Variants in ATAD3A observed in about 807,000 individuals in gnomAD.
The protein encoded by ATAD3A is ATPase family AAA domain-containing protein 3A.
Under a neutral mutation model 73.8 loss-of-function variants are expected in ATAD3A, and 46 were observed. That is an observed-to-expected ratio of 0.62 (90% CI 0.49 to 0.80). The LOEUF is 0.80. ATAD3A is among the 30% of genes least tolerant of loss of function. The pLI is 0.00. For missense variants in ATAD3A, 705 were observed against 838.0 expected (o/e 0.84, Z 1.96); for synonymous variants, 319 against 350.0 (o/e 0.91, Z 0.99).
chr1:1,527,942 C>G (rs935131798), intron 14 of ATAD3A, 80 bp downstream of exon 14: 1 of 1,060,934 alleles, frequency 9.4e-7, no homozygotes. Flanking sequence ...CCATCACTTA[C>G]AAACCTTTAA....
At chr1:1,514,778 G>A (rs1641302145) in intron 1 of ATAD3A, among the ~76,000 whole-genome samples, 1 of 152,212 alleles carries the variant, frequency 6.6e-6, no homozygotes, top group Non-Finnish European at 1.5e-5. Context: ...AAGTGAGACG[G>A]GCTGCGGGAG....
In ATAD3A at chr1:1,520,035, C is replaced by T. The variant is rs1641526558; in HGVS notation, c.515-106C>T. On this transcript the variant is annotated intron_variant, in intron 5 of 15. Transcript: ENST00000378756. The surrounding 1 kb of genome is among the most constrained non-coding windows in gnomAD (Gnocchi z 4.0). ...GCATGGGCCTGTCTGTGGCGTTGGT[C>T]TGTCCGTGGCGTGGGCCGGTCCGTG... is the stretch of plus-strand genomic sequence containing the variant. 4.7e-6 allele frequency: 7 copies of T among 1,495,060 alleles called. No individual in the cohort carries two copies. The highest frequency in any genetic ancestry group is 6.3e-6 in the Non-Finnish European group (7 of 1,116,442). The allele number at this position is 1,495,060 out of a possible 1,614,324, so 92.6% of individuals were successfully genotyped here. A position where few individuals can be genotyped will look rare whatever the true frequency, so the allele number is the denominator to read the frequency against.
intron 13 of ATAD3A, chr1:1,527,388 G>C (rs190855829): frequency 9.1e-7 from 1 of 1,104,778 alleles, no homozygotes; most frequent in East Asian, 4.6e-5. Context: ...ATGGACTCCG[G>C]GTCCCGAATC....
intron 1 of ATAD3A, 127 bp from the exon 2 acceptor site, chr1:1,515,885 G>A (rs1641338068): frequency 8.4e-6 from 8 of 948,312 alleles, no homozygotes; most frequent in Non-Finnish European, 1.3e-5. Flanking sequence ...GGATGGGGAG[G>A]CAGGGCTGGG....
At chr1:1,521,618 A>T (rs1317396190) in intron 7 of ATAD3A, among the ~76,000 whole-genome samples, 1 of 152,218 alleles carries the variant, frequency 6.6e-6, no homozygotes, top group Non-Finnish European at 1.5e-5. Context: ...TGTGACGGTG[A>T]ATGTTGCAGG....
Position 1,520,745 on chromosome 1 carries a change from C to G in ATAD3A, c.750+128C>G. 1 of 1,433,190 alleles carries G rather than the reference C, an allele frequency of 7.0e-7. No individual in the cohort carries two copies. The highest frequency in any genetic ancestry group is 9.5e-7 in the Non-Finnish European group (1 of 1,047,466). The allele number at this position is 1,433,190 out of a possible 1,614,324, so 88.8% of individuals were successfully genotyped here. ...TAGCTCTCCCAGCAGGGAGGAAGCC[C>G]ACGTTGTACCTGCTGGCCTCGGCTT... On this transcript the variant is annotated intron_variant, in intron 7 of 15. Coordinates refer to ENST00000378756, the MANE Select transcript of ATAD3A (RefSeq NM_001170535.3). The surrounding 1 kb of genome is among the most constrained non-coding windows in gnomAD (Gnocchi z 4.0).
At chr1:1,517,105 C>T in intron 2 of ATAD3A, 1 of 1,536,156 alleles carries the variant, frequency 6.5e-7, no homozygotes, top group Non-Finnish European at 8.8e-7. Context: ...CCTTCGCGGG[C>T]TTCTGCTGGT....
Position 1,522,885 on chromosome 1 carries a change from C to T in ATAD3A, c.892C>T (p.Arg298Trp), listed in dbSNP as rs548644017. The T allele has an allele frequency of 1.2e-5, 19 of 1,608,426 alleles. No individual in the cohort carries two copies. The highest frequency in any genetic ancestry group is 1.0e-4 in the Admixed American group (6 of 59,670). The change falls in exon 8 of 16, where the codon CGG becomes TGG. Residue 298 changes from arginine to tryptophan, a missense_variant. This residue lies in a region of ATAD3A where 315 missense variants were observed against 334.1 expected (regional missense o/e 0.94). Transcript: ENST00000378756. ...TSRITVLEALRHPIQVSRRLL... is the reference protein window; with the variant it reads ...TSRITVLEALWHPIQVSRRLL... The stretch of plus-strand genomic sequence containing the variant: ...CCGCATCACGGTGCTTGAGGCGCTG[C>T]GGCACCCCATCCAGGTAGCAGCGCA...
At chr1:1,531,942 T>G (rs79463926) in intron 15 of ATAD3A, among the ~76,000 whole-genome samples, 2,732 of 151,816 alleles carry the variant, frequency 0.018, 30 homozygotes, top group South Asian at 0.028. Context: ...TGAGCCACCA[T>G]GCACGGCATC....
At chr1:1,530,758 G>T (rs1459884737) in intron 15 of ATAD3A, among the ~76,000 whole-genome samples, 1 of 105,568 alleles carries the variant, frequency 9.5e-6, no homozygotes, top group Non-Finnish European at 1.6e-5. Flanking sequence ...GAACCCGGGA[G>T]GCGGAGCTTG....
In ATAD3A at chr1:1,520,568, G is replaced by A. The variant is rs747836576; in HGVS notation, c.701G>A (p.Gly234Glu). 1.2e-6 allele frequency: 2 copies of A among 1,613,942 alleles called. No individual in the cohort carries two copies. The highest frequency in any genetic ancestry group is 2.2e-5 in the South Asian group (2 of 91,072). ...CGCAGGACGGCTGGCACCTTGTTTG[G>A]GGAAGGATTCCGTGCCTTTGTGACA... The part of the protein sequence containing the change: ...ESIRTAGTLF[G>E]EGFRAFVTDW... The change falls in exon 7 of 16, where the codon GGG becomes GAG. Residue 234 changes from glycine to glutamate, a missense_variant. Gly to Glu is a moderately conservative substitution (Grantham distance 98, BLOSUM62 -2). Around this residue, in one of 5 missense-constraint regions of ATAD3A, gnomAD observed 315 missense variants for 334.1 expected, o/e 0.94. Transcript: ENST00000378756. The surrounding 1 kb of genome is among the most constrained non-coding windows in gnomAD (Gnocchi z 4.0).
rs748484836 is a variant in ATAD3A, at chr1:1,522,826, G to A, written c.833G>A (p.Arg278Gln). ...TLVAGRFIEA[R>Q]LGKPSLVRET... The stretch of plus-strand genomic sequence containing the variant: ...GTCGCCGGCCGCTTCATCGAGGCTC[G>A]GCTGGGGAAGCCGTCCCTAGTGAGG... The change falls in exon 8 of 16, where the codon CGG (arginine) becomes CAG (glutamine). Residue 278 changes from arginine (R) to glutamine (Q), a missense_variant. Transcript: ENST00000378756. 13 of 1,610,542 alleles carry A rather than the reference G, an allele frequency of 8.1e-6. No individual in the cohort carries two copies. Among genetic ancestry groups the A allele is most frequent in the East Asian group, 6.7e-5 (3 of 44,874 alleles).
chr1:1,525,320 T>C, intron 12 of ATAD3A, 29 bp downstream of exon 12: 1 of 1,609,908 alleles, frequency 6.2e-7, no homozygotes, highest in African/African-American at 1.3e-5. Flanking sequence ...CTGGCCACAA[T>C]GGGGTGGTGG....
chr1:1,514,430 G>A (rs1431079869), intron 1 of ATAD3A, among the ~76,000 whole-genome samples: 2 of 152,328 alleles, frequency 1.3e-5, no homozygotes, highest in African/African-American at 2.4e-5. Flanking sequence ...TTGGCTTCCC[G>A]AGCTTAGCAG....
intron 1 of ATAD3A, among the ~76,000 whole-genome samples, chr1:1,515,384 T>C (rs1207522784): frequency 6.6e-6 from 1 of 152,190 alleles, no homozygotes; most frequent in East Asian, 1.9e-4. Context: ...GCCAAAAGAT[T>C]TTTATGGTAA....
chr1:1,512,364 C>T lies in ATAD3A; in HGVS notation c.96C>T (p.Gly32=), dbSNP rs1463745303. The T allele has an allele frequency of 3.2e-6, 4 of 1,241,058 alleles. No homozygotes were observed. Among genetic ancestry groups the T allele is most frequent in the South Asian group, 4.1e-5 (1 of 24,616 alleles). The allele number at this position is 1,241,058 out of a possible 1,614,324, so 76.9% of individuals were successfully genotyped here. ...CCGCGCAGCCCGGGGCCGAGGGCGG[C>T]GGGGACCGCGGGTTGGGAGACCGGC... ...LPPAQPGAEG[G]GDRGLGDRPA... The change falls in exon 1 of 16, where the codon GGC becomes GGT. Residue 32 remains glycine, a synonymous_variant. Transcript: ENST00000378756.
chr1:1,527,527 C>G (rs1209420934), intron 13 of ATAD3A, among the ~76,000 whole-genome samples, 168 bp from the exon 14 acceptor site: 1 of 152,294 alleles, frequency 6.6e-6, no homozygotes, highest in South Asian at 2.1e-4. Context: ...GAAGCCAGGC[C>G]GGGGGACAGC....
chr1:1,520,259 C>T lies in ATAD3A; in HGVS notation c.633C>T (p.Ile211=). The T allele has an allele frequency of 6.2e-7, 1 of 1,612,996 alleles. No homozygotes were observed. The highest frequency in any genetic ancestry group is 1.1e-5 in the South Asian group (1 of 91,058). The change falls in exon 6 of 16, where the codon ATC becomes ATT. Residue 211 remains isoleucine, a synonymous_variant. Transcript: ENST00000378756. This position sits in a 1 kb window ranked among gnomAD's most constrained non-coding sequence, Gnocchi z 4.0. The part of the protein sequence containing the change: ...RENADIIREQ[I]RLKAAEHRQT... ...ATGCAGACATCATCCGCGAGCAGAT[C>T]CGCCTGAAGGCGGCCGAGCACCGTC...
At chr1:1,529,709 G>T (rs144698654) in intron 15 of ATAD3A, among the ~76,000 whole-genome samples, 1 of 152,236 alleles carries the variant, frequency 6.6e-6, no homozygotes, top group South Asian at 2.1e-4. Context: ...GGGGGTTCGG[G>T]GTGGAGGGAC....
Sources: allele counts gnomAD v4.1 joint callset (sites outside exome capture counted in the v4.1 genomes callset), GRCh38; gene constraint gnomAD v4.1.1; regional missense constraint gnomAD v4.1.1; non-coding constraint Gnocchi (gnomAD v3.1); transcripts MANE v1.5; gene names NCBI Gene and HGNC (gene_info 2026-07-23, HGNC 2026-07-21).